AFF3: variants seen among roughly 807,000 people sequenced by gnomAD.
AFF3 encodes the protein AF4/FMR2 family member 3.
A neutral mutation model predicts 129.7 loss-of-function variants in AFF3; 32 were observed. That is an observed-to-expected ratio of 0.25 (90% CI 0.19 to 0.33). AFF3 has a LOEUF of 0.33. Ranked by LOEUF, AFF3 falls within the 10% of genes least tolerant of loss-of-function variation. AFF3 has a pLI of 1.00. For missense variants in AFF3, 1,373 were observed against 1,592.0 expected, an observed-to-expected ratio of 0.86 and a Z score of 2.34; for synonymous variants, 644 against 635.4, an observed-to-expected ratio of 1.01 and a Z score of -0.20.
At chr2:100,015,893 G>C (rs1184343117) in intron 4 of AFF3, among the ~76,000 whole-genome samples, 1 of 152,036 alleles carries the variant, frequency 6.6e-6, no homozygotes, top group Non-Finnish European at 1.5e-5. Flanking sequence ...GGCAGCAGAA[G>C]TACTGGCAGT....
intron 11 of AFF3, among the ~76,000 whole-genome samples, chr2:99,678,003 C>T (rs1674161209): frequency 6.6e-6 from 1 of 152,180 alleles, no homozygotes. Flanking sequence ...ACTGTTGACT[C>T]ATTCAATTAC....
intron 2 of AFF3, chr2:100,107,438 G>A (rs1691352274): frequency 2.0e-6 from 2 of 985,068 alleles, no homozygotes; most frequent in African/African-American, 3.5e-5. Context: ...TAGAATGTCA[G>A]AACTAAAAGG....
intron 4 of AFF3, among the ~76,000 whole-genome samples, chr2:100,068,401 T>C (rs1305761370): frequency 2.0e-5 from 3 of 152,204 alleles, no homozygotes; most frequent in Non-Finnish European, 4.4e-5. Context: ...TTGTGGTTGA[T>C]ATCACAGCTG....
In AFF3 at chr2:99,608,846, G is replaced by T. The variant is rs182840472; in HGVS notation, c.1185-7225C>A. On this transcript the variant is annotated intron_variant, in intron 13 of 24. Coordinates refer to ENST00000672756, the MANE Select transcript of AFF3 (RefSeq NM_001386135.1). Reference sequence around the variant, plus strand: ...AGTTTTAACAATGAAAAGTTTCATTGTATTTTAGCAATGAAACACATTTGG... The same window carrying T: ...AGTTTTAACAATGAAAAGTTTCATTTTATTTTAGCAATGAAACACATTTGG... 2.8e-3 allele frequency among the ~76,000 whole-genome samples: 427 copies of T among 152,198 alleles called. 1 individual carries two copies. Among genetic ancestry groups the T allele is most frequent in the African/African-American group, 9.9e-3 (409 of 41,514 alleles).
chr2:99,757,715 G>A (rs745970049), intron 8 of AFF3, among the ~76,000 whole-genome samples: 15 of 152,170 alleles, frequency 9.9e-5, no homozygotes, highest in Non-Finnish European at 1.8e-4. Context: ...AGCCTCTCAA[G>A]CTGAGATCCC....
intron 7 of AFF3, among the ~76,000 whole-genome samples, chr2:99,919,865 A>G (rs927439754): frequency 1.2e-4 from 19 of 152,132 alleles, no homozygotes; most frequent in African/African-American, 4.6e-4. Flanking sequence ...CAAAGTTACC[A>G]ATATCAAGAA....
chr2:99,574,281 G>A (rs960089814), intron 18 of AFF3, among the ~76,000 whole-genome samples: 2 of 152,208 alleles, frequency 1.3e-5, no homozygotes, highest in Non-Finnish European at 1.5e-5. Flanking sequence ...GGGAGGAGGT[G>A]AGGTCACACT....
intron 4 of AFF3, among the ~76,000 whole-genome samples, chr2:100,011,745 G>A (rs1304333308): frequency 1.3e-5 from 2 of 152,190 alleles, no homozygotes; most frequent in African/African-American, 4.8e-5. Context: ...GACAACAGTA[G>A]ATGCAGCCAT....
At chr2:99,726,087 A>C (rs1472583431) in intron 11 of AFF3, among the ~76,000 whole-genome samples, 2 of 152,236 alleles carry the variant, frequency 1.3e-5, no homozygotes, top group African/African-American at 4.8e-5. Context: ...CATTCATTAT[A>C]ACATCTGAAA....
intron 7 of AFF3, among the ~76,000 whole-genome samples, chr2:99,844,418 A>T (rs1264272845): frequency 1.3e-5 from 2 of 148,276 alleles, no homozygotes; most frequent in Non-Finnish European, 3.0e-5. Context: ...TCAATACGAG[A>T]ACTATTTTTT....
chr2:99,822,809 G>A (rs6719505), intron 8 of AFF3, among the ~76,000 whole-genome samples: 24,970 of 152,048 alleles, frequency 0.16, 2,187 homozygotes, highest in Admixed American at 0.24. Flanking sequence ...AAAGAGCTCC[G>A]CTTTTATTTC....
chr2:99,959,408 C>T (rs887493355), intron 7 of AFF3, among the ~76,000 whole-genome samples: 1 of 147,248 alleles, frequency 6.8e-6, no homozygotes, highest in Admixed American at 6.8e-5. Context: ...AAAATGTATG[C>T]GGCTGGAAAA....
intron 17 of AFF3, among the ~76,000 whole-genome samples, chr2:99,579,494 T>C (rs1458053087): frequency 6.6e-6 from 1 of 150,676 alleles, no homozygotes; most frequent in Non-Finnish European, 1.5e-5. Flanking sequence ...CCAAGGCAGG[T>C]AGATTACCTG....
At chr2:99,716,078 T>C (rs985061633) in intron 11 of AFF3, among the ~76,000 whole-genome samples, 17 of 152,302 alleles carry the variant, frequency 1.1e-4, no homozygotes, top group African/African-American at 4.1e-4. Flanking sequence ...GCCTGTGTAA[T>C]TGACCCTTGA....
chr2:99,646,160 T>C (rs1684669327), intron 13 of AFF3, among the ~76,000 whole-genome samples: 1 of 152,220 alleles, frequency 6.6e-6, no homozygotes, highest in Non-Finnish European at 1.5e-5. Context: ...TCGATTTGTG[T>C]ATCTTGGAAC....
chr2:100,074,169 G>A (rs1374397983), intron 4 of AFF3, among the ~76,000 whole-genome samples: 1 of 152,120 alleles, frequency 6.6e-6, no homozygotes, highest in Non-Finnish European at 1.5e-5. Flanking sequence ...ACTGTCTCCC[G>A]ATCTAACGGA....
intron 7 of AFF3, among the ~76,000 whole-genome samples, chr2:99,878,769 G>A (rs1477551746): frequency 1.3e-5 from 2 of 152,176 alleles, no homozygotes; most frequent in African/African-American, 4.8e-5. Context: ...GGGTTGGCTA[G>A]GGGATTCCCA....
intron 7 of AFF3, among the ~76,000 whole-genome samples, chr2:99,971,113 T>G (rs550064862): frequency 3.3e-4 from 50 of 152,322 alleles, no homozygotes; most frequent in African/African-American, 1.1e-3. Context: ...CCACAAGATC[T>G]AAATCCTCTC....
intron 4 of AFF3, among the ~76,000 whole-genome samples, chr2:100,066,997 A>T (rs1471780038): frequency 6.6e-6 from 1 of 152,206 alleles, no homozygotes; most frequent in Admixed American, 6.5e-5. Context: ...TTCTACAAAC[A>T]CAACCTGCAG....
Sources: gnomAD v4.1 joint callset for allele counts (sites outside exome capture counted in the v4.1 genomes callset) on GRCh38, gnomAD v4.1.1 for gene constraint, MANE v1.5 for transcripts, NCBI Gene and HGNC (gene_info 2026-07-23, HGNC 2026-07-21) for gene names.